CREBRF: variants seen among roughly 807,000 people sequenced by gnomAD.
CREBRF encodes the protein CREB3 regulatory factor.
CREBRF carries 5 observed loss-of-function variants against 66.1 expected under a neutral mutation model. That is an observed-to-expected ratio of 0.08 (90% confidence interval 0.04 to 0.16). The LOEUF is 0.16. Ranked by LOEUF, CREBRF falls within the 10% of genes least tolerant of loss-of-function variation. CREBRF has a pLI of 1.00. For missense variants in CREBRF, 531 were observed against 744.9 expected (o/e 0.71, Z 3.34); for synonymous variants, 229 against 264.4 (o/e 0.87, Z 1.30).
At chr5:173,059,715 C>T (rs1015489859) in intron 1 of CREBRF, among the ~76,000 whole-genome samples, 8 of 152,160 alleles carry the variant, frequency 5.3e-5, no homozygotes, top group Non-Finnish European at 1.0e-4. Flanking sequence ...TTCACTGTTG[C>T]ATCGGTTGAT....
chr5:173,082,003 G>GTTTTTTT (rs869148787), intron 2 of CREBRF, among the ~76,000 whole-genome samples: 19 of 78,082 alleles, frequency 2.4e-4, no homozygotes, highest in African/African-American at 4.9e-4. Flanking sequence ...TCAAGGTTTA[G>GTTTTTTT]TTTTTTTTTT....
intron 1 of CREBRF, among the ~76,000 whole-genome samples, chr5:173,065,838 C>T (rs974709352): frequency 1.3e-5 from 2 of 151,594 alleles, no homozygotes; most frequent in African/African-American, 4.8e-5. Context: ...GGTTTCCCCA[C>T]ATTGCCCAGG....
intron 4 of CREBRF, among the ~76,000 whole-genome samples, chr5:173,108,033 T>A (rs1302260765): frequency 6.6e-6 from 1 of 151,620 alleles, no homozygotes; most frequent in East Asian, 1.9e-4. Flanking sequence ...GATTTTGCCA[T>A]GTTGGCCAGG....
intron 7 of CREBRF, among the ~76,000 whole-genome samples, chr5:173,113,673 A>G (rs551222139): frequency 5.9e-5 from 9 of 152,196 alleles, no homozygotes; most frequent in Non-Finnish European, 1.2e-4. Context: ...GATCTAAACC[A>G]AAGTGCTTCT....
chr5:173,091,378 T>A lies in CREBRF; in HGVS notation c.1199T>A (p.Ile400Asn). Reference sequence around the variant, plus strand: ...TATGAAGATGACAAGGATGATGATATTAGTGATACTTTCTCTGAACCAGGT... The same window carrying A: ...TATGAAGATGACAAGGATGATGATAATAGTGATACTTTCTCTGAACCAGGT... The part of the protein sequence containing the change: ...EDYEDDKDDD[I>N]SDTFSEPGYE... The change falls in exon 4 of 9, where the codon ATT becomes AAT. Residue 400 changes from isoleucine to asparagine, a missense_variant. Ile to Asn is a moderately radical substitution (Grantham distance 149). Transcript: ENST00000296953. 2 of 1,613,932 alleles carry A rather than the reference T, an allele frequency of 1.2e-6. No individual in the cohort carries two copies. The highest frequency in any genetic ancestry group is 1.7e-6 in the Non-Finnish European group (2 of 1,179,932).
At chr5:173,095,774 A>G (rs1758463000) in intron 4 of CREBRF, among the ~76,000 whole-genome samples, 1 of 150,598 alleles carries the variant, frequency 6.6e-6, no homozygotes, top group African/African-American at 2.4e-5. Context: ...TTTTCAATGT[A>G]TAGATCTTTC....
intron 7 of CREBRF, among the ~76,000 whole-genome samples, chr5:173,122,728 C>T (rs1285573186): frequency 7.3e-6 from 1 of 136,744 alleles, no homozygotes; most frequent in Non-Finnish European, 1.6e-5. Context: ...AGGTATATCT[C>T]CTAATGCTAT....
At chr5:173,100,131 A>ATAT (rs1554125245) in intron 4 of CREBRF, among the ~76,000 whole-genome samples, 5 of 42,858 alleles carry the variant, frequency 1.2e-4, no homozygotes, top group African/African-American at 3.8e-4. Flanking sequence ...TATATATATA[A>ATAT]TTTTTTTTTT....
chr5:173,117,367 GA>G (rs1490015425), intron 7 of CREBRF, among the ~76,000 whole-genome samples: 19 of 135,640 alleles, frequency 1.4e-4, no homozygotes, highest in African/African-American at 4.8e-4. Flanking sequence ...CAACAAGAGT[GA>G]AACTCTGTCT....
chr5:173,109,163 C>T (rs1758814695), intron 5 of CREBRF: 1 of 196,896 alleles, frequency 5.1e-6, no homozygotes, highest in African/African-American at 2.3e-5. Flanking sequence ...AGTGAACGGG[C>T]TCTCTTGCAT....
At chr5:173,073,194 A>G (rs765241792) in intron 1 of CREBRF, among the ~76,000 whole-genome samples, 2 of 152,230 alleles carry the variant, frequency 1.3e-5, no homozygotes, top group East Asian at 3.9e-4. Context: ...TAGTCTTTGT[A>G]ACAATAGGTT....
chr5:173,117,820 C>T (rs1015157099), intron 7 of CREBRF, among the ~76,000 whole-genome samples: 9 of 150,756 alleles, frequency 6.0e-5, no homozygotes, highest in Non-Finnish European at 1.2e-4. Flanking sequence ...AAGCGATTCT[C>T]GTGCCTCAGC....
chr5:173,083,724 T>G (rs1371336531), intron 2 of CREBRF, among the ~76,000 whole-genome samples: 1 of 152,190 alleles, frequency 6.6e-6, no homozygotes, highest in African/African-American at 2.4e-5. Context: ...TAAAATAGTG[T>G]TGTTAGACAA....
intron 1 of CREBRF, chr5:173,067,978 C>T (rs582067): frequency 0.5 from 144,990 of 291,986 alleles, 38,237 homozygotes; most frequent in Non-Finnish European, 0.58. Flanking sequence ...CCAGCCTGGG[C>T]GACAGAGCGA....
chr5:173,134,075 T>G lies in CREBRF; in HGVS notation c.*330T>G, dbSNP rs1759533409. On this transcript the variant is annotated 3_prime_UTR_variant, in exon 9 of 9. Coordinates refer to ENST00000296953, the MANE Select transcript of CREBRF (RefSeq NM_153607.3). ...AAAATGCCAAGTATTGTGGCAGATT[T>G]ATGCTCTGAACCACACAAAAAAATT... 1 of 163,506 alleles carries G rather than the reference T, an allele frequency of 6.1e-6. No homozygotes were observed. Among genetic ancestry groups the G allele is most frequent in the East Asian group, 1.8e-4 (1 of 5,642 alleles). The allele number at this position is 163,506 out of a possible 1,614,324, so 10.1% of individuals were successfully genotyped here. A position where few individuals can be genotyped will look rare whatever the true frequency, so the allele number is the denominator to read the frequency against.
chr5:173,086,277 A>G, intron 2 of CREBRF: 1 of 674,142 alleles, frequency 1.5e-6, no homozygotes, highest in Non-Finnish European at 2.7e-6. Flanking sequence ...CCACTGGGGC[A>G]TTGGCAGCAC....
Position 173,123,187 on chromosome 5 carries a change from A to G in CREBRF, c.1789A>G (p.Ile597Val). Residue 597 changes from isoleucine (I) to valine (V), a missense_variant, in exon 8 of 9, where the codon ATT becomes GTT. Ile to Val is a conservative substitution (Grantham distance 29). Around this residue, in one of 5 missense-constraint regions of CREBRF, gnomAD observed 64 missense variants for 111.3 expected, o/e 0.58. Transcript: ENST00000296953. ...CATGGGGCAGAAGCTTGAAATCCTCATTAAAGATACTCTCGGTAAGAAGAA... is the reference window on the plus strand; with the variant it reads ...CATGGGGCAGAAGCTTGAAATCCTCGTTAAAGATACTCTCGGTAAGAAGAA... ...PNMGQKLEIL[I>V]KDTLGLPVAG... 6.2e-7 allele frequency: 1 copy of G among 1,600,926 alleles called. No homozygotes were observed. The highest frequency in any genetic ancestry group is 1.8e-5 in the Admixed American group (1 of 55,184).
rs999937745 is a variant in CREBRF, at chr5:173,139,199, A to G, written c.*5454A>G. 9.9e-5 allele frequency: 15 copies of G among 151,822 alleles called. No individual in the cohort carries two copies. The highest frequency in any genetic ancestry group is 3.6e-4 in the African/African-American group (15 of 41,334). The allele number at this position is 151,822 out of a possible 1,614,324, so 9.4% of individuals were successfully genotyped here. Reference sequence around the variant, plus strand: ...TGCCTTTGTTTTCTGTCACCTTCCAACCCCTGAGCACTTCTAGTCAGATAC... The same window carrying G: ...TGCCTTTGTTTTCTGTCACCTTCCAGCCCCTGAGCACTTCTAGTCAGATAC... On this transcript the variant is annotated 3_prime_UTR_variant, in exon 9 of 9. Coordinates refer to ENST00000296953, the MANE Select transcript of CREBRF (RefSeq NM_153607.3).
At chr5:173,130,113 A>G (rs1173509299) in intron 8 of CREBRF, among the ~76,000 whole-genome samples, 2 of 152,084 alleles carry the variant, frequency 1.3e-5, no homozygotes, top group Non-Finnish European at 1.5e-5. Context: ...GTGAGCCACC[A>G]CGCTCGGCCT....
Sources: gnomAD v4.1 joint callset for allele counts (sites outside exome capture counted in the v4.1 genomes callset) on GRCh38, gnomAD v4.1.1 for gene constraint, gnomAD v4.1.1 regional missense constraint, MANE v1.5 for transcripts, NCBI Gene and HGNC (gene_info 2026-07-23, HGNC 2026-07-21) for gene names.